The following PREX1 variants were observed in gnomAD, a reference collection of about 807,000 sequenced individuals.
PREX1 encodes phosphatidylinositol 3,4,5-trisphosphate-dependent Rac exchanger 1 protein.
Under a neutral mutation model 198.3 loss-of-function variants are expected in PREX1, and 41 were observed. The ratio of observed to expected loss-of-function variants is 0.21; its 90% CI spans 0.16 to 0.27. The LOEUF (loss-of-function observed/expected upper bound fraction) is 0.27, where lower values mean the gene tolerates loss of function less well. Ranked by LOEUF, PREX1 falls within the 10% of genes least tolerant of loss-of-function variation. The probability of loss-of-function intolerance (pLI) is 1.00; values close to 1 mark genes in which losing one functional copy is unlikely to be tolerated. For synonymous variants in PREX1, 843 were observed against 887.2 expected, an observed-to-expected ratio of 0.95 and a Z score of 0.89; for missense variants, 1,620 against 2,200.7, an observed-to-expected ratio of 0.74 and a Z score of 5.28.
chr20:48,772,384 GGT>G (rs1403703859), intron 1 of PREX1, among the ~76,000 whole-genome samples: 1 of 152,144 alleles, frequency 6.6e-6, no homozygotes, highest in Non-Finnish European at 1.5e-5. Context: ...CCCTGTTTCT[GGT>G]GAATCAGGCC....
intron 1 of PREX1, among the ~76,000 whole-genome samples, chr20:48,768,123 C>T (rs1406081492): frequency 1.3e-5 from 2 of 152,158 alleles, no homozygotes; most frequent in South Asian, 2.1e-4. Context: ...TTCCATAAGC[C>T]TCCAAGCTTC....
intron 16 of PREX1, among the ~76,000 whole-genome samples, chr20:48,658,689 G>A (rs536488002): frequency 7.2e-5 from 11 of 152,306 alleles, no homozygotes; most frequent in Middle Eastern, 3.4e-3. Context: ...TGCTTAGTGC[G>A]GGAGGCCAAC....
intron 33 of PREX1, among the ~76,000 whole-genome samples, chr20:48,633,977 T>C (rs1239369973): frequency 6.6e-5 from 10 of 152,132 alleles, no homozygotes; most frequent in African/African-American, 2.4e-4. Context: ...GATGGACGGA[T>C]GGATGATGGT....
At position 48,726,401 on chromosome 20, in the gene PREX1, G is replaced by C; in HGVS notation, c.520-10C>G. The C allele has an allele frequency of 2.5e-6, 4 of 1,606,200 alleles. No homozygotes were observed. The highest frequency in any genetic ancestry group is 3.4e-6 in the Non-Finnish European group (4 of 1,174,598). On this transcript the variant is annotated splice_polypyrimidine_tract_variant and intron_variant, in intron 4 of 39. Coordinates refer to ENST00000371941, the MANE Select transcript of PREX1 (RefSeq NM_020820.4). ...CCAGAAGCATGCAGCTCTGCAAAGG[G>C]ACAGGAGACCTTCATGAAACCCACC...
At chr20:48,864,881 T>A in the PREX1 span, among the ~76,000 whole-genome samples, 1 of 152,116 alleles carries the variant, frequency 6.6e-6, no homozygotes, top group East Asian at 1.9e-4. Flanking sequence ...CTGTGTGCAA[T>A]CAGATCACCT....
intron 1 of PREX1, among the ~76,000 whole-genome samples, chr20:48,788,945 C>T (rs1181190614): frequency 1.3e-5 from 2 of 152,142 alleles, no homozygotes; most frequent in African/African-American, 4.8e-5. Context: ...CTTTAGAACC[C>T]CCAAGAACGT....
At chr20:48,819,123 C>T (rs1319938625) in intron 1 of PREX1, among the ~76,000 whole-genome samples, 1 of 152,190 alleles carries the variant, frequency 6.6e-6, no homozygotes, top group Non-Finnish European at 1.5e-5. Flanking sequence ...TTGGTTTCCA[C>T]GTCACCAACT....
chr20:48,786,395 G>A (rs1250345450), intron 1 of PREX1, among the ~76,000 whole-genome samples: 1 of 152,184 alleles, frequency 6.6e-6, no homozygotes, highest in Non-Finnish European at 1.5e-5. Flanking sequence ...GACTCAGGGA[G>A]AGGAGGGAGA....
intron 6 of PREX1, among the ~76,000 whole-genome samples, chr20:48,703,218 T>A (rs2089884581): frequency 6.6e-6 from 1 of 152,142 alleles, no homozygotes; most frequent in South Asian, 2.1e-4. Flanking sequence ...TCCAGTTGGG[T>A]ACAACAAACC....
chr20:48,841,191 G>A, the PREX1 span, among the ~76,000 whole-genome samples: 2 of 152,190 alleles, frequency 1.3e-5, no homozygotes, highest in African/African-American at 2.4e-5. Flanking sequence ...CCAAGGGCTT[G>A]GATTACCGAT....
Position 48,627,705 on chromosome 20 carries a change from CAAG to C in PREX1, c.4870-93_4870-91del, listed in dbSNP as rs374678671. Reference sequence around the variant, plus strand: ...GGGGTGGGGGTGGGGCCCAGAAGCCCAAGGACCCAGAAGCTAAGATCCTTGCTC... The same window carrying C: ...GGGGTGGGGGTGGGGCCCAGAAGCCCGACCCAGAAGCTAAGATCCTTGCTC... On this transcript the variant is annotated intron_variant, in intron 38 of 39. Transcript: ENST00000371941. 20 of 1,479,378 alleles carry C rather than the reference CAAG, an allele frequency of 1.4e-5. 1 individual carries two copies. In the African/African-American group the frequency reaches 2.2e-4, roughly 16 times the overall value. The allele number at this position is 1,479,378 out of a possible 1,614,324, so 91.6% of individuals were successfully genotyped here.
intron 4 of PREX1, among the ~76,000 whole-genome samples, chr20:48,731,834 G>A (rs1026887499): frequency 6.6e-6 from 1 of 152,224 alleles, no homozygotes; most frequent in Non-Finnish European, 1.5e-5. Context: ...GACCCACCAG[G>A]AAGACTGCTT....
At chr20:48,668,593 G>C (rs529700931) in intron 14 of PREX1, among the ~76,000 whole-genome samples, 89 of 152,348 alleles carry the variant, frequency 5.8e-4, no homozygotes, top group African/African-American at 2.0e-3. Context: ...AACCAGAGGA[G>C]ACAGGGGTGC....
chr20:48,726,206 C>CT (rs2090009252), intron 5 of PREX1, 84 bp downstream of exon 5: 3 of 1,168,978 alleles, frequency 2.6e-6, no homozygotes, highest in Non-Finnish European at 3.8e-6. Flanking sequence ...TGCTGCTAGA[C>CT]TTCTCAGATA....
At chr20:48,766,981 C>A (rs2090211492) in intron 1 of PREX1, among the ~76,000 whole-genome samples, 1 of 152,206 alleles carries the variant, frequency 6.6e-6, no homozygotes, top group South Asian at 2.1e-4. Flanking sequence ...ACTGATTCCT[C>A]CTCTCTGGGC....
chr20:48,842,041 A>T, the PREX1 span, among the ~76,000 whole-genome samples: 1 of 152,226 alleles, frequency 6.6e-6, no homozygotes, highest in South Asian at 2.1e-4. Context: ...TTGCGTGTAT[A>T]TCTCTGGCCT....
intron 1 of PREX1, among the ~76,000 whole-genome samples, chr20:48,778,571 CAG>C (rs1327032160): frequency 6.6e-6 from 1 of 151,208 alleles, no homozygotes; most frequent in African/African-American, 2.4e-5. Context: ...GCCTGGGTGA[CAG>C]AGTGAGACTC....
intron 1 of PREX1, among the ~76,000 whole-genome samples, chr20:48,752,496 C>T (rs1438645384): frequency 1.3e-5 from 2 of 152,198 alleles, no homozygotes; most frequent in African/African-American, 4.8e-5. Flanking sequence ...GAAGACCCCG[C>T]TCTCATGTGC....
chr20:48,817,788 T>C (rs901439924), intron 1 of PREX1, among the ~76,000 whole-genome samples: 8 of 152,170 alleles, frequency 5.3e-5, no homozygotes, highest in South Asian at 2.1e-4. Flanking sequence ...TAATAAAACA[T>C]AGGCACATAT....
Sources: gnomAD v4.1 joint callset for allele counts (sites outside exome capture counted in the v4.1 genomes callset) on GRCh38, gnomAD v4.1.1 for gene constraint, MANE v1.5 for transcripts, NCBI Gene and HGNC (gene_info 2026-07-23, HGNC 2026-07-21) for gene names.